The following DSCAM variants were observed in gnomAD, a reference collection of about 807,000 sequenced individuals.
DSCAM encodes cell adhesion molecule DSCAM.
In DSCAM, 47 loss-of-function variants were observed where a neutral mutation model predicts 217.7. The observed-to-expected ratio is 0.22, with a 90% CI of 0.17 to 0.28. The LOEUF (loss-of-function observed/expected upper bound fraction) is 0.28. DSCAM is among the 10% of genes least tolerant of loss of function. The pLI, the probability that DSCAM is intolerant of heterozygous loss-of-function variation, is 1.00. For synonymous variants in DSCAM, 1,056 were observed against 1,015.3 expected (o/e 1.04, Z -0.76); for missense variants, 2,080 against 2,618.3 (o/e 0.79, Z 4.49).
At chr21:40,497,171 C>T (rs1039919146) in intron 3 of DSCAM, among the ~76,000 whole-genome samples, 4 of 152,076 alleles carry the variant, frequency 2.6e-5, no homozygotes, top group Admixed American at 6.5e-5. Flanking sequence ...ATTAAATCAG[C>T]GTATCGAAGA....
At chr21:40,625,494 G>A (rs900750685) in intron 3 of DSCAM, among the ~76,000 whole-genome samples, 1 of 151,974 alleles carries the variant, frequency 6.6e-6, no homozygotes, top group African/African-American at 2.4e-5. Context: ...CCTCCTAACA[G>A]CTCTCTCAGT....
chr21:40,613,451 T>TA (rs757787723), intron 3 of DSCAM, among the ~76,000 whole-genome samples: 25 of 152,004 alleles, frequency 1.6e-4, no homozygotes, highest in South Asian at 8.3e-4. Context: ...TCCTAATTCT[T>TA]AAAAAAAAGA....
chr21:40,257,596 C>T (rs533999318), intron 11 of DSCAM, among the ~76,000 whole-genome samples: 1 of 152,008 alleles, frequency 6.6e-6, no homozygotes, highest in East Asian at 1.9e-4. Flanking sequence ...CCTTGGGAGA[C>T]AGGACTGAAT....
chr21:40,830,902 T>A (rs1405538903), intron 1 of DSCAM, among the ~76,000 whole-genome samples: 2 of 152,176 alleles, frequency 1.3e-5, no homozygotes, highest in Admixed American at 6.5e-5. Flanking sequence ...AAGACAAATA[T>A]CTTTAAATTT....
chr21:40,605,649 C>A (rs2089224790), intron 3 of DSCAM, among the ~76,000 whole-genome samples: 1 of 152,122 alleles, frequency 6.6e-6, no homozygotes, highest in African/African-American at 2.4e-5. Context: ...GGCCTGTGAG[C>A]CCCATTTTGC....
intron 3 of DSCAM, among the ~76,000 whole-genome samples, chr21:40,488,457 G>A (rs550053186): frequency 1.3e-5 from 2 of 152,302 alleles, no homozygotes; most frequent in African/African-American, 4.8e-5. Context: ...GTTTCAATGA[G>A]AAACTGCTGA....
At chr21:40,310,091 A>G (rs1194741053) in intron 9 of DSCAM, among the ~76,000 whole-genome samples, 1 of 152,176 alleles carries the variant, frequency 6.6e-6, no homozygotes, top group African/African-American at 2.4e-5. Flanking sequence ...CCCACCTCCA[A>G]AGATGGTTAT....
chr21:40,707,729 G>A (rs1340218201), intron 2 of DSCAM, among the ~76,000 whole-genome samples: 1 of 152,192 alleles, frequency 6.6e-6, no homozygotes, highest in Non-Finnish European at 1.5e-5. Flanking sequence ...TTGCTAACAG[G>A]AGTCTAGCTG....
chr21:40,737,156 C>T (rs2091072309), intron 1 of DSCAM, among the ~76,000 whole-genome samples: 1 of 152,114 alleles, frequency 6.6e-6, no homozygotes, highest in Non-Finnish European at 1.5e-5. Context: ...TAATGGATTG[C>T]TTTACTAGTG....
At position 40,012,249 on chromosome 21, in the gene DSCAM, C is replaced by T. The variant is rs1255986204; in HGVS notation, c.*785G>A. On this transcript the variant is annotated 3_prime_UTR_variant, in exon 33 of 33. Coordinates refer to ENST00000400454, the MANE Select transcript of DSCAM (RefSeq NM_001389.5). Reference sequence around the variant, plus strand: ...CTCCAGCTTGAGAGCAGGAGCTGCACCTTCTTTGTGCTTCCTGGAGATTCC... The same window carrying T: ...CTCCAGCTTGAGAGCAGGAGCTGCATCTTCTTTGTGCTTCCTGGAGATTCC... The T allele has an allele frequency of 1.3e-5, 2 of 152,126 alleles. No homozygotes were observed. The highest frequency in any genetic ancestry group is 6.5e-5 in the Admixed American group (1 of 15,270). The allele number at this position is 152,126 out of a possible 1,614,324, so 9.4% of individuals were successfully genotyped here. A position where few individuals can be genotyped will look rare whatever the true frequency, so the allele number is the denominator to read the frequency against.
chr21:40,792,976 C>G (rs2091659678), intron 1 of DSCAM, among the ~76,000 whole-genome samples: 1 of 152,114 alleles, frequency 6.6e-6, no homozygotes, highest in Non-Finnish European at 1.5e-5. Flanking sequence ...ATTCTCAGGC[C>G]ATATTTAGTT....
At chr21:40,045,986 C>T (rs1471888411) in intron 30 of DSCAM, among the ~76,000 whole-genome samples, 2 of 152,192 alleles carry the variant, frequency 1.3e-5, no homozygotes, top group Admixed American at 1.3e-4. Flanking sequence ...GCAATGGAAG[C>T]TCAGAGAGAA....
At chr21:40,582,313 T>C (rs548242731) in intron 3 of DSCAM, among the ~76,000 whole-genome samples, 3 of 152,152 alleles carry the variant, frequency 2.0e-5, no homozygotes, top group Admixed American at 6.5e-5. Context: ...AACACCTATA[T>C]CAAATATTTT....
At chr21:40,301,879 G>C (rs1334120594) in intron 9 of DSCAM, among the ~76,000 whole-genome samples, 1 of 152,138 alleles carries the variant, frequency 6.6e-6, no homozygotes, top group African/African-American at 2.4e-5. Flanking sequence ...TGAGAAGAGT[G>C]GACCCAATGG....
chr21:40,295,925 T>C, intron 10 of DSCAM, 130 bp downstream of exon 10: 3 of 1,152,588 alleles, frequency 2.6e-6, no homozygotes, highest in South Asian at 1.7e-5. Flanking sequence ...GAGAGAATGA[T>C]AGGCTTGGTG....
At chr21:40,295,100 C>G (rs142137303) in intron 10 of DSCAM, among the ~76,000 whole-genome samples, 65 of 151,852 alleles carry the variant, frequency 4.3e-4, no homozygotes, top group African/African-American at 1.5e-3. Context: ...AAAGAAAGAT[C>G]TAGAGTATAA....
chr21:40,238,388 T>C (rs1319240869), intron 11 of DSCAM, among the ~76,000 whole-genome samples: 1 of 152,174 alleles, frequency 6.6e-6, no homozygotes, highest in Admixed American at 6.5e-5. Context: ...CTTTACACAA[T>C]AATCCACAGC....
intron 1 of DSCAM, among the ~76,000 whole-genome samples, chr21:40,729,419 C>T (rs1256031227): frequency 6.6e-6 from 1 of 152,198 alleles, no homozygotes; most frequent in Non-Finnish European, 1.5e-5. Context: ...ACTTAAAACA[C>T]CTTTGATCTA....
chr21:40,185,079 C>T (rs1326870207), intron 14 of DSCAM, among the ~76,000 whole-genome samples: 2 of 152,110 alleles, frequency 1.3e-5, no homozygotes, highest in Admixed American at 6.5e-5. Flanking sequence ...GTGCAGGGAG[C>T]CCCCAAGGAG....
Sources: gnomAD v4.1 joint callset for allele counts (sites outside exome capture counted in the v4.1 genomes callset) on GRCh38, gnomAD v4.1.1 for gene constraint, MANE v1.5 for transcripts, NCBI Gene and HGNC (gene_info 2026-07-23, HGNC 2026-07-21) for gene names.